Variants in FAM149B1 observed in about 807,000 individuals in gnomAD.
The protein encoded by FAM149B1 is family with sequence similarity 149 member B1, also known as primary cilium assembly protein FAM149B1.
A neutral mutation model predicts 75.3 loss-of-function variants in FAM149B1; 56 were observed. The ratio of observed to expected loss-of-function variants is 0.74; its 90% CI spans 0.60 to 0.93. The LOEUF (loss-of-function observed/expected upper bound fraction) is 0.93. Among genes scored for constraint, FAM149B1 ranks in the 40% least tolerant of loss-of-function variants. The pLI is 0.00. For missense variants in FAM149B1, 639 were observed against 708.4 expected, an observed-to-expected ratio of 0.90 and a Z score of 1.11; for synonymous variants, 259 against 256.1, an observed-to-expected ratio of 1.01 and a Z score of -0.11.
intron 2 of FAM149B1, among the ~76,000 whole-genome samples, chr10:73,176,975 C>T (rs529416437): frequency 1.3e-5 from 2 of 151,106 alleles, no homozygotes; most frequent in African/African-American, 2.4e-5. Flanking sequence ...TGCAGTGAGC[C>T]GAGATCACGC....
intron 5 of FAM149B1, among the ~76,000 whole-genome samples, chr10:73,194,753 A>AGCTCACTGTAACCTCC (rs1325168525): frequency 1.3e-5 from 2 of 150,308 alleles, no homozygotes; most frequent in East Asian, 3.9e-4. Context: ...GTGCAATCTC[A>AGCTCACTGTAACCTCC]GCTCACTGTA....
intron 9 of FAM149B1, among the ~76,000 whole-genome samples, chr10:73,231,643 A>AT (rs775030561): frequency 0.15 from 23,320 of 152,082 alleles, 2,920 homozygotes; most frequent in African/African-American, 0.32. Context: ...TTTGGGAGTG[A>AT]AATTTAAGTG....
chr10:73,200,630 A>G, intron 5 of FAM149B1: 2 of 631,326 alleles, frequency 3.2e-6, no homozygotes, highest in South Asian at 3.4e-5. Context: ...AAATACAAGT[A>G]TTTAGGTTGT....
chr10:73,178,552 C>G (rs2133306769), intron 3 of FAM149B1, among the ~76,000 whole-genome samples: 1 of 150,816 alleles, frequency 6.6e-6, no homozygotes, highest in African/African-American at 2.4e-5. Flanking sequence ...TGGGTCTATT[C>G]CTTTTGCCAT....
rs2043491528 is a variant in FAM149B1, at chr10:73,224,524, T to C, written c.899-3536T>C. 2.0e-5 allele frequency among the ~76,000 whole-genome samples: 3 copies of C among 146,888 alleles called. No homozygotes were observed. The South Asian group carries it at 6.4e-4, about 31-fold the overall frequency. The stretch of plus-strand genomic sequence containing the variant: ...TCTCGCTCCGTGGCCCAGGCTGGAG[T>C]GCAGTGGTGTGATCTCGGCTCACTG... On this transcript the variant is annotated intron_variant, in intron 7 of 13. Coordinates refer to ENST00000242505, the MANE Select transcript of FAM149B1 (RefSeq NM_173348.2).
intron 5 of FAM149B1, among the ~76,000 whole-genome samples, chr10:73,203,137 A>G (rs759551975): frequency 5.9e-5 from 9 of 152,166 alleles, no homozygotes; most frequent in Non-Finnish European, 1.0e-4. Context: ...ATGGTTCAAG[A>G]TAGCTGATAG....
Position 73,184,647 on chromosome 10 carries a change from C to T in FAM149B1, c.282+6672C>T, listed in dbSNP as rs148055993. ...AGTTGGGATATCCTCAAATATTTGG[C>T]AATTAAACATCACTCTTCTAAATAA... is the stretch of plus-strand genomic sequence containing the variant. On this transcript the variant is annotated intron_variant, in intron 3 of 13. Transcript: ENST00000242505. Among the ~76,000 whole-genome samples, 386 of 152,144 alleles carry T rather than the reference C, an allele frequency of 2.5e-3. 1 individual carries two copies. Among genetic ancestry groups the T allele is most frequent in the African/African-American group, 8.8e-3 (367 of 41,528 alleles).
intron 9 of FAM149B1, chr10:73,230,807 G>A (rs2043675938): frequency 4.0e-6 from 1 of 247,432 alleles, no homozygotes; most frequent in Non-Finnish European, 8.1e-6. Flanking sequence ...CAGCCCCAAA[G>A]CATTCTGGTG....
chr10:73,211,478 T>C (rs895888281), intron 7 of FAM149B1, among the ~76,000 whole-genome samples: 1 of 152,238 alleles, frequency 6.6e-6, no homozygotes, highest in Non-Finnish European at 1.5e-5. Flanking sequence ...ATCTGTTTAT[T>C]ATCATCTCAT....
rs71021549 is a variant in FAM149B1, at chr10:73,204,944, A to ATTTTTTTTTT, written c.543-3632_543-3623dup. On this transcript the variant is annotated intron_variant, in intron 5 of 13. Coordinates refer to ENST00000242505, the MANE Select transcript of FAM149B1 (RefSeq NM_173348.2). ...AGGCACCCGCCACCATGCCTGGCTA[A>ATTTTTTTTTT]TTTTTTTTTTTTTTTTTTTTTTTTT... 5.5e-5 allele frequency among the ~76,000 whole-genome samples: 2 copies of ATTTTTTTTTT among 36,606 alleles called. 1 individual carries two copies. The highest frequency in any genetic ancestry group is 1.0e-4 in the Non-Finnish European group (2 of 19,162). 24.0% of individuals were successfully genotyped at this position (36,606 alleles called of 152,430 possible).
At position 73,234,831 on chromosome 10, in the gene FAM149B1, A is replaced by G. The variant is rs958765363; in HGVS notation, c.1367A>G (p.Asp456Gly). 1.3e-6 allele frequency: 2 copies of G among 1,551,178 alleles called. No individual in the cohort carries two copies. Among genetic ancestry groups the G allele is most frequent in the Admixed American group, 2.0e-5 (1 of 50,966 alleles). The stretch of plus-strand genomic sequence containing the variant: ...GGGATCTGCAGCCCAGTGGCACCCG[A>G]CTCGCTCTCCTCTCCCTCACCGACG... ...LRGARVPVAP[D>G]SLSSPSPTPL... The change falls in exon 11 of 14, where the codon GAC becomes GGC. Residue 456 changes from aspartate (D) to glycine (G), a missense_variant. Coordinates refer to ENST00000242505, the MANE Select transcript of FAM149B1 (RefSeq NM_173348.2).
chr10:73,223,202 C>G lies in FAM149B1; in HGVS notation c.899-4858C>G, dbSNP rs563769005. ...ACTCCAGAAGCCTTTCTCATGCTTT[C>G]TTTCAGTCAGCTACTTAATCCGTAC... is the stretch of plus-strand genomic sequence containing the variant. On this transcript the variant is annotated intron_variant, in intron 7 of 13. Transcript: ENST00000242505. Among the ~76,000 whole-genome samples, 4 of 147,418 alleles carry G rather than the reference C, an allele frequency of 2.7e-5. 1 individual carries two copies. The highest frequency in any genetic ancestry group is 4.4e-4 in the South Asian group (2 of 4,552).
intron 9 of FAM149B1, among the ~76,000 whole-genome samples, chr10:73,231,776 A>G (rs934810621): frequency 1.3e-5 from 2 of 152,214 alleles, no homozygotes; most frequent in African/African-American, 2.4e-5. Flanking sequence ...CTCACTGGCA[A>G]TGTGGAAGAG....
rs2043891711 is a variant in FAM149B1, at chr10:73,239,309, T to C, written c.1603-3T>C. On this transcript the variant is annotated splice_region_variant and splice_polypyrimidine_tract_variant and intron_variant, in intron 12 of 13. Coordinates refer to ENST00000242505, the MANE Select transcript of FAM149B1 (RefSeq NM_173348.2). ...AAGAAGTGTCTCCTCTTTTGTCTTGTAGCTGGATACACAGTATCGTCGCTC... is the reference window on the plus strand; with the variant it reads ...AAGAAGTGTCTCCTCTTTTGTCTTGCAGCTGGATACACAGTATCGTCGCTC... 2.6e-6 allele frequency: 4 copies of C among 1,551,190 alleles called. No homozygotes were observed. The highest frequency in any genetic ancestry group is 2.4e-5 in the East Asian group (1 of 40,932).
At chr10:73,176,792 C>T (rs1025361583) in intron 2 of FAM149B1, among the ~76,000 whole-genome samples, 1 of 152,004 alleles carries the variant, frequency 6.6e-6, no homozygotes, top group South Asian at 2.1e-4. Flanking sequence ...TTTGGGAGGC[C>T]GATGTAGGCG....
chr10:73,181,376 T>C (rs748473153), intron 3 of FAM149B1, among the ~76,000 whole-genome samples: 30 of 152,202 alleles, frequency 2.0e-4, no homozygotes, highest in Non-Finnish European at 3.8e-4. Context: ...TTTTTTGTTG[T>C]AGGCACTTAC....
At chr10:73,169,484 G>T (rs1220230492) in intron 1 of FAM149B1, among the ~76,000 whole-genome samples, 2 of 149,774 alleles carry the variant, frequency 1.3e-5, no homozygotes, top group African/African-American at 4.9e-5. Context: ...TGGAGACAGG[G>T]TCTTGCTCAG....
chr10:73,244,006 T>C lies in FAM149B1; in HGVS notation c.*2987T>C. 1 of 1,173,906 alleles carries C rather than the reference T, an allele frequency of 8.5e-7. No homozygotes were observed. The highest frequency in any genetic ancestry group is 1.2e-6 in the Non-Finnish European group (1 of 804,854). The allele number at this position is 1,173,906 out of a possible 1,614,324, so 72.7% of individuals were successfully genotyped here. A position where few individuals can be genotyped will look rare whatever the true frequency, so the allele number is the denominator to read the frequency against. On this transcript the variant is annotated 3_prime_UTR_variant, in exon 14 of 14. Transcript: ENST00000242505. ...ACATACTCTTTCCCAAAAGCAAATC[T>C]ATAATTCTGTTTCAATTTTATGAAT... is the stretch of plus-strand genomic sequence containing the variant.
chr10:73,181,474 T>A (rs2042397051), intron 3 of FAM149B1, among the ~76,000 whole-genome samples: 2 of 152,200 alleles, frequency 1.3e-5, no homozygotes, highest in Admixed American at 6.5e-5. Context: ...TTTCAAGAAA[T>A]TTTTCAGTCT....
Sources: gnomAD v4.1 joint callset for allele counts (sites outside exome capture counted in the v4.1 genomes callset) on GRCh38, gnomAD v4.1.1 for gene constraint, MANE v1.5 for transcripts, NCBI Gene and HGNC (gene_info 2026-07-23, HGNC 2026-07-21) for gene names.